The following BAAT variants were observed in gnomAD, a reference collection of about 807,000 sequenced individuals.
BAAT encodes bile acid CoA: amino acid N-acyltransferase (glycine N-choloyltransferase).
Under a neutral mutation model 18.9 loss-of-function variants are expected in BAAT, and 13 were observed. That is an observed-to-expected ratio of 0.69 (90% CI 0.45 to 1.10). The LOEUF (loss-of-function observed/expected upper bound fraction) is 1.10. Among genes scored for constraint, BAAT ranks in the 50% least tolerant of loss-of-function variants. The probability of loss-of-function intolerance (pLI) is 0.00; values close to 1 mark genes in which losing one functional copy is unlikely to be tolerated. For synonymous variants in BAAT, 170 were observed against 190.7 expected (o/e 0.89, Z 0.89); for missense variants, 489 against 504.0 (o/e 0.97, Z 0.28).
intron 3 of BAAT, among the ~76,000 whole-genome samples, chr9:101,366,178 T>A (rs578256016): frequency 3.3e-5 from 5 of 151,956 alleles, no homozygotes; most frequent in African/African-American, 9.7e-5. Context: ...GCGACAGTTA[T>A]GTTAAGGAAA....
chr9:101,363,281 C>T lies in BAAT; in HGVS notation c.670-266G>A, dbSNP rs918811585. On this transcript the variant is annotated intron_variant, in intron 3 of 3. Transcript: ENST00000259407. ...AAATGCCCTAAAGAAATGCAAATGTCGCAGGGAAAGTAAGAAATGGCACAT... is the reference window on the plus strand; with the variant it reads ...AAATGCCCTAAAGAAATGCAAATGTTGCAGGGAAAGTAAGAAATGGCACAT... 7.2e-5 allele frequency among the ~76,000 whole-genome samples: 11 copies of T among 152,204 alleles called. 1 individual carries two copies. The highest frequency in any genetic ancestry group is 2.6e-4 in the Admixed American group (4 of 15,284).
intron 2 of BAAT, 93 bp downstream of exon 2, chr9:101,370,846 A>C (rs1666626795): frequency 4.5e-6 from 6 of 1,341,362 alleles, no homozygotes; most frequent in Non-Finnish European, 5.4e-6. Flanking sequence ...TAACCAGAGT[A>C]ATTCTACAAG....
chr9:101,380,953 C>T (rs1210171978), intron 1 of BAAT, among the ~76,000 whole-genome samples: 1 of 151,504 alleles, frequency 6.6e-6, no homozygotes, highest in African/African-American at 2.4e-5. Context: ...GATGGGGTTT[C>T]AGCATGTTGG....
intron 1 of BAAT, among the ~76,000 whole-genome samples, chr9:101,379,196 A>G (rs1469893376): frequency 6.6e-6 from 1 of 152,236 alleles, no homozygotes; most frequent in Non-Finnish European, 1.5e-5. Context: ...ATCTAAAACC[A>G]GAAATACCAT....
intron 1 of BAAT, chr9:101,375,199 T>C (rs1217868632): frequency 6.6e-6 from 1 of 152,570 alleles, no homozygotes; most frequent in Non-Finnish European, 1.5e-5. Context: ...CCTGACACCA[T>C]GTAAGACATG....
chr9:101,368,036 A>C, intron 3 of BAAT, 84 bp downstream of exon 3: 1 of 1,434,010 alleles, frequency 7.0e-7, no homozygotes, highest in Non-Finnish European at 9.8e-7. Context: ...TGGGTGACGG[A>C]GCAAGACCCT....
In BAAT at chr9:101,362,849, G is replaced by A. The variant is rs1829760837; in HGVS notation, c.836C>T (p.Pro279Leu). ...GGTGGATATTAATTGTGCAGAATGG[G>A]GAAGGGGCTGATGGATCTGACCATG... ...VYHGQIHQPL[P>L]HSAQLISTNA... Residue 279 changes from proline to leucine, a missense_variant, in exon 4 of 4, where the codon CCC becomes CTC. Coordinates refer to ENST00000259407, the MANE Select transcript of BAAT (RefSeq NM_001701.4). 1.2e-6 allele frequency: 2 copies of A among 1,614,004 alleles called. No homozygotes were observed. Among genetic ancestry groups the A allele is most frequent in the Non-Finnish European group, 8.5e-7 (1 of 1,180,028 alleles).
At chr9:101,363,797 C>T (rs542165112) in intron 3 of BAAT, among the ~76,000 whole-genome samples, 59 of 152,230 alleles carry the variant, frequency 3.9e-4, no homozygotes, top group African/African-American at 1.3e-3. Flanking sequence ...AATGAGTCTT[C>T]GTATTAAAAA....
Position 101,371,104 on chromosome 9 carries a change from A to G in BAAT, c.301T>C (p.Phe101Leu). The G allele has an allele frequency of 2.5e-6, 4 of 1,614,046 alleles. No homozygotes were observed. Among genetic ancestry groups the G allele is most frequent in the Non-Finnish European group, 3.4e-6 (4 of 1,179,990 alleles). ...TCATAAAGTTTTACTTGGACCTGGA[A>G]AGGCCTATTCATCACATCTCTTTTC... Reference protein sequence around the residue: ...LLKRDVMNRPFQVQVKLYDLE... With the variant: ...LLKRDVMNRPLQVQVKLYDLE... The change falls in exon 2 of 4, where the codon TTC becomes CTC. Residue 101 changes from phenylalanine (F) to leucine (L), a missense_variant. Coordinates refer to ENST00000259407, the MANE Select transcript of BAAT (RefSeq NM_001701.4).
chr9:101,384,663 A>C (rs772138977), intron 1 of BAAT, among the ~76,000 whole-genome samples, 192 bp downstream of exon 1: 1 of 152,234 alleles, frequency 6.6e-6, no homozygotes, highest in African/African-American at 2.4e-5. Flanking sequence ...TTATAAACAT[A>C]ATGTCGTTAG....
rs1829941407 is a variant in BAAT at position 101,371,385 on chromosome 9, G to A, written c.20C>T (p.Thr7Ile). 1.9e-6 allele frequency: 3 copies of A among 1,611,430 alleles called. No individual in the cohort carries two copies. The South Asian group carries it at 3.3e-5, about 18-fold the overall frequency. ...CTCATCAACAAGTGCACTCACAGGG[G>A]TAGCTGTCAACTGGATCATTTTTTT... MIQLTA[T>I]PVSALVDEPV... The change falls in exon 2 of 4, where the codon ACC (threonine) becomes ATC (isoleucine). Residue 7 changes from threonine to isoleucine, a missense_variant. By Grantham distance (89) the Thr-to-Ile change is moderately conservative (BLOSUM62 -1). Coordinates refer to ENST00000259407, the MANE Select transcript of BAAT (RefSeq NM_001701.4).
intron 2 of BAAT, among the ~76,000 whole-genome samples, chr9:101,368,859 G>T (rs1247979655): frequency 6.6e-6 from 1 of 152,082 alleles, no homozygotes; most frequent in Non-Finnish European, 1.5e-5. Context: ...GATTTAATTT[G>T]GTTCTCAAAG....
rs113673597 is a variant in BAAT at position 101,362,512 on chromosome 9, G to A, written c.1173C>T (p.His391=). 74 of 1,613,996 alleles carry A rather than the reference G, an allele frequency of 4.6e-5. No homozygotes were observed. In the African/African-American group the frequency reaches 4.7e-4, roughly 10 times the overall value. Residue 391 remains histidine (H), a synonymous_variant, in exon 4 of 4, where the codon CAC becomes CAT. Transcript: ENST00000259407. Reference sequence around the variant, plus strand: ...TCCAAGCATGTTCCTGTGCAGCTGCGTGTGGGATCACCTCTCCTCCCCAGT... The same window carrying A: ...TCCAAGCATGTTCCTGTGCAGCTGCATGTGGGATCACCTCTCCTCCCCAGT... ...RLHWGGEVIP[H]AAAQEHAWKE...
chr9:101,360,871 G>T lies in BAAT; in HGVS notation c.*1557C>A, dbSNP rs1458339149. 1.3e-5 allele frequency: 2 copies of T among 157,440 alleles called. No individual in the cohort carries two copies. Among genetic ancestry groups the T allele is most frequent in the Non-Finnish European group, 1.5e-5 (1 of 68,420 alleles). 9.8% of individuals were successfully genotyped at this position (157,440 alleles called of 1,614,324 possible). On this transcript the variant is annotated 3_prime_UTR_variant, in exon 4 of 4. Transcript: ENST00000259407. ...GCAAACAAACACTAAAAAAGCACTT[G>T]CTTATTCATACAGGAGTGAGATCAT...
At position 101,362,956 on chromosome 9, in the gene BAAT, A is replaced by G. The variant is rs375655313; in HGVS notation, c.729T>C (p.Ser243=). 2 of 1,614,120 alleles carry G rather than the reference A, an allele frequency of 1.2e-6. No homozygotes were observed. Among genetic ancestry groups the G allele is most frequent in the Non-Finnish European group, 1.7e-6 (2 of 1,180,004 alleles). The stretch of plus-strand genomic sequence containing the variant: ...TGACTTGCTTTAGGTAAATAGCCAT[A>G]GATAGTCCAATCTGTACTCCTTGAC... ...SVCQGVQIGL[S]MAIYLKQVTA... The change falls in exon 4 of 4, where the codon TCT becomes TCC. Residue 243 remains serine, a synonymous_variant. Transcript: ENST00000259407.
At chr9:101,363,704 G>A (rs989623876) in intron 3 of BAAT, among the ~76,000 whole-genome samples, 1 of 151,872 alleles carries the variant, frequency 6.6e-6, no homozygotes, top group African/African-American at 2.4e-5. Flanking sequence ...GAGAATGTAT[G>A]TAGGCTAGAC....
At chr9:101,382,868 T>G (rs144460865) in intron 1 of BAAT, among the ~76,000 whole-genome samples, 40 of 152,310 alleles carry the variant, frequency 2.6e-4, no homozygotes, top group Non-Finnish European at 4.1e-4. Flanking sequence ...AGCTCAAACT[T>G]ATACTTGCTT....
chr9:101,379,223 A>G (rs1588145048), intron 1 of BAAT, among the ~76,000 whole-genome samples: 1 of 152,070 alleles, frequency 6.6e-6, no homozygotes, highest in African/African-American at 2.4e-5. Context: ...GAGGTCTCCA[A>G]CTCCTGACCT....
chr9:101,366,555 C>G (rs974353863), intron 3 of BAAT, among the ~76,000 whole-genome samples: 18 of 152,168 alleles, frequency 1.2e-4, no homozygotes, highest in Middle Eastern at 3.4e-3. Flanking sequence ...CTGGCAAGAA[C>G]AGTGATGAAA....
Sources: gnomAD v4.1 joint callset for allele counts (sites outside exome capture counted in the v4.1 genomes callset) on GRCh38, gnomAD v4.1.1 for gene constraint, MANE v1.5 for transcripts, NCBI Gene and HGNC (gene_info 2026-07-23, HGNC 2026-07-21) for gene names.